Variants in FNDC8 observed in about 807,000 individuals in gnomAD.
FNDC8 encodes fibronectin type III domain containing 8.
Under a neutral mutation model 24.8 loss-of-function variants are expected in FNDC8, and 23 were observed. The observed-to-expected ratio is 0.93, with a 90% CI of 0.67 to 1.31. The LOEUF (loss-of-function observed/expected upper bound fraction) is 1.31, where lower values mean the gene tolerates loss of function less well. FNDC8 is among the 40% of genes most tolerant of loss of function. The pLI is 0.00. For missense variants in FNDC8, 371 were observed against 398.2 expected (o/e 0.93, Z 0.58); for synonymous variants, 158 against 165.3 (o/e 0.96, Z 0.34).
intron 1 of FNDC8, among the ~76,000 whole-genome samples, 177 bp downstream of exon 1, chr17:35,122,079 AGC>A (rs1171029800): frequency 8.2e-6 from 1 of 121,710 alleles, no homozygotes; most frequent in Non-Finnish European, 1.7e-5. Flanking sequence ...TGAATTCTTG[AGC>A]TCAAGTGATC....
intron 3 of FNDC8, 187 bp from the exon 4 acceptor site, chr17:35,130,095 C>T: frequency 7.0e-7 from 1 of 1,425,402 alleles, no homozygotes; most frequent in South Asian, 1.5e-5. Context: ...TGGAAATATC[C>T]CATAATGAGG....
Position 35,129,686 on chromosome 17 carries a change from G to T in FNDC8, c.822+28G>T, listed in dbSNP as rs199521079. 5 of 1,606,016 alleles carry T rather than the reference G, an allele frequency of 3.1e-6. No homozygotes were observed. In the South Asian group the frequency reaches 3.3e-5, roughly 11 times the overall value. ...GAGCCCTGGGAAAAGAGGGGCCTTG[G>T]GGGTGGAGAGAAGTCCAAAGCCAGG... is the stretch of plus-strand genomic sequence containing the variant. On this transcript the variant is annotated intron_variant, in intron 3 of 3. Coordinates refer to ENST00000158009, the MANE Select transcript of FNDC8 (RefSeq NM_017559.4).
chr17:35,125,006 C>A (rs1328471187), intron 1 of FNDC8, among the ~76,000 whole-genome samples: 1 of 150,708 alleles, frequency 6.6e-6, no homozygotes, highest in African/African-American at 2.4e-5. Context: ...CGAAGTCACA[C>A]CAGTGCACTC....
intron 1 of FNDC8, among the ~76,000 whole-genome samples, chr17:35,122,750 C>T (rs2091834892): frequency 6.6e-6 from 1 of 152,196 alleles, no homozygotes. Context: ...TTCCACAAAA[C>T]TCTTTGAGCA....
In FNDC8 at chr17:35,130,568, A is replaced by C. The variant is rs989959235; in HGVS notation, c.*134A>C. On this transcript the variant is annotated 3_prime_UTR_variant, in exon 4 of 4. Transcript: ENST00000158009. The stretch of plus-strand genomic sequence containing the variant: ...TCTGGCAGAGTGGTATGGGCACCCC[A>C]CCCCTGGGCTGGGGCCAAGGCTACA... 2 of 934,608 alleles carry C rather than the reference A, an allele frequency of 2.1e-6. No individual in the cohort carries two copies. The highest frequency in any genetic ancestry group is 2.7e-5 in the East Asian group (1 of 37,410). The allele number at this position is 934,608 out of a possible 1,614,324, so 57.9% of individuals were successfully genotyped here.
In FNDC8 at chr17:35,130,518, C is replaced by A. The variant is rs2091870534; in HGVS notation, c.*84C>A. 1 of 1,405,436 alleles carries A rather than the reference C, an allele frequency of 7.1e-7. No homozygotes were observed. The highest frequency in any genetic ancestry group is 2.3e-5 in the East Asian group (1 of 43,148). The allele number at this position is 1,405,436 out of a possible 1,614,324, so 87.1% of individuals were successfully genotyped here. A position where few individuals can be genotyped will look rare whatever the true frequency, so the allele number is the denominator to read the frequency against. ...AACCAGAGCCATGAGACCTACCATA[C>A]CACCAGCACCCTGCGGGCCCGGGGT... On this transcript the variant is annotated 3_prime_UTR_variant, in exon 4 of 4. Transcript: ENST00000158009.
intron 3 of FNDC8, 49 bp from the exon 4 acceptor site, chr17:35,130,233 G>A: frequency 6.3e-7 from 1 of 1,594,466 alleles, no homozygotes; most frequent in African/African-American, 1.3e-5. Context: ...GAGAGAGCCA[G>A]GTTCAGATCT....
At chr17:35,122,410 C>A (rs1386015997) in intron 1 of FNDC8, among the ~76,000 whole-genome samples, 1 of 151,538 alleles carries the variant, frequency 6.6e-6, no homozygotes, top group East Asian at 1.9e-4. Context: ...TGACTTGTCA[C>A]AACCCAGTTC....
chr17:35,121,778 G>T lies in FNDC8; in HGVS notation c.85G>T (p.Asp29Tyr). ...AAACTTCAACATGATGAATGCCCTT[G>T]ACCAACTGCCAAAACCCTTTTCAAA... ...KENFNMMNALDQLPKPFSNPK... is the reference protein window; with the variant it reads ...KENFNMMNALYQLPKPFSNPK... Residue 29 changes from aspartate (D) to tyrosine (Y), a missense_variant, in exon 1 of 4, where the codon GAC becomes TAC. Asp to Tyr is a radical substitution (Grantham distance 160, BLOSUM62 -3). Transcript: ENST00000158009. 3.1e-6 allele frequency: 5 copies of T among 1,613,638 alleles called. No homozygotes were observed.
chr17:35,122,210 A>ATATT (rs1567738668), intron 1 of FNDC8, among the ~76,000 whole-genome samples: 16 of 44,722 alleles, frequency 3.6e-4, no homozygotes, highest in East Asian at 9.7e-4. Flanking sequence ...ATATATATAA[A>ATATT]TTTTTTTTTT....
In FNDC8 at chr17:35,126,497, C is replaced by CATTTTTTTTTTT. The variant is rs1555571324; in HGVS notation, c.210-545_210-544insATTTTTTTTTTT. On this transcript the variant is annotated intron_variant, in intron 1 of 3. Transcript: ENST00000158009. ...AACACTTGCATCAGGATTTTCTAAG[C>CATTTTTTTTTTT]TTTTTTTTTTTTTTTTTTTTTTTGA... 5.4e-5 allele frequency among the ~76,000 whole-genome samples: 6 copies of CATTTTTTTTTTT among 112,046 alleles called. 1 individual carries two copies. The highest frequency in any genetic ancestry group is 7.0e-5 in the African/African-American group (2 of 28,552). The allele number at this position is 112,046 out of a possible 152,430, so 73.5% of individuals were successfully genotyped here. A position where few individuals can be genotyped will look rare whatever the true frequency, so the allele number is the denominator to read the frequency against.
chr17:35,122,027 C>T (rs2091828125), intron 1 of FNDC8, 125 bp downstream of exon 1: 3 of 732,174 alleles, frequency 4.1e-6, no homozygotes, highest in Admixed American at 5.2e-5. Flanking sequence ...CTTTGTCACC[C>T]AGGCTGGAGT....
At chr17:35,125,863 T>A (rs914963480) in intron 1 of FNDC8, among the ~76,000 whole-genome samples, 4 of 152,178 alleles carry the variant, frequency 2.6e-5, no homozygotes, top group East Asian at 1.9e-4. Context: ...TTCATAATTT[T>A]AAAAAATTCA....
At chr17:35,127,723 G>A (rs1221880206) in intron 2 of FNDC8, among the ~76,000 whole-genome samples, 1 of 152,212 alleles carries the variant, frequency 6.6e-6, no homozygotes, top group African/African-American at 2.4e-5. Flanking sequence ...ACATCTAGAG[G>A]TGGAGGAGGG....
chr17:35,123,233 A>G (rs549154561), intron 1 of FNDC8, among the ~76,000 whole-genome samples: 6 of 152,138 alleles, frequency 3.9e-5, no homozygotes, highest in Non-Finnish European at 8.8e-5. Flanking sequence ...GGGTACTTCA[A>G]TTTGCACTGG....
chr17:35,125,510 A>G (rs1368693019), intron 1 of FNDC8, among the ~76,000 whole-genome samples: 1 of 152,264 alleles, frequency 6.6e-6, no homozygotes, highest in Admixed American at 6.5e-5. Context: ...AGATAGATGA[A>G]TGTCAACACA....
rs769274963 is a variant in FNDC8, at chr17:35,127,114, G to T, written c.282G>T (p.Leu94Phe). The T allele has an allele frequency of 1.2e-6, 2 of 1,614,188 alleles. No individual in the cohort carries two copies. The highest frequency in any genetic ancestry group is 1.7e-6 in the Non-Finnish European group (2 of 1,180,038). The stretch of plus-strand genomic sequence containing the variant: ...GCATCTCTGCCTTCTCATCCACCTT[G>T]CTGAACCCCATCAAATTAGCTGTGA... ...ETSISAFSST[L>F]LNPIKLAVTQ... The change falls in exon 2 of 4, where the codon TTG (leucine) becomes TTT (phenylalanine). Residue 94 changes from leucine (L) to phenylalanine (F), a missense_variant. Coordinates refer to ENST00000158009, the MANE Select transcript of FNDC8 (RefSeq NM_017559.4).
At chr17:35,129,820 G>A in intron 3 of FNDC8, 162 bp downstream of exon 3, 1 of 1,436,402 alleles carries the variant, frequency 7.0e-7, no homozygotes, top group Non-Finnish European at 9.1e-7. Context: ...CATGCTTCTG[G>A]GAGGTTTAAG....
At chr17:35,125,443 C>T (rs2091845464) in intron 1 of FNDC8, among the ~76,000 whole-genome samples, 1 of 152,124 alleles carries the variant, frequency 6.6e-6, no homozygotes, top group Admixed American at 6.6e-5. Flanking sequence ...AACAAATATC[C>T]ATGTAATGGA....
Sources: gnomAD v4.1 joint callset for allele counts (sites outside exome capture counted in the v4.1 genomes callset) on GRCh38, gnomAD v4.1.1 for gene constraint, MANE v1.5 for transcripts, NCBI Gene and HGNC (gene_info 2026-07-23, HGNC 2026-07-21) for gene names.